Variants in CBFB observed in about 807,000 individuals in gnomAD.
CBFB encodes the protein CBF-beta.
Under a neutral mutation model 30.4 loss-of-function variants are expected in CBFB, and 9 were observed. That is an observed-to-expected ratio of 0.30 (90% CI 0.18 to 0.52). CBFB has a LOEUF of 0.52. CBFB is among the 20% of genes least tolerant of loss of function. The pLI, the probability that CBFB is intolerant of heterozygous loss-of-function variation, is 0.97. For synonymous variants in CBFB, 94 were observed against 84.0 expected, an observed-to-expected ratio of 1.12 and a Z score of -0.65; for missense variants, 170 against 244.0, an observed-to-expected ratio of 0.70 and a Z score of 2.02.
At chr16:67,067,206 A>G (rs1961084030) in intron 4 of CBFB, among the ~76,000 whole-genome samples, 1 of 151,258 alleles carries the variant, frequency 6.6e-6, no homozygotes, top group Admixed American at 6.6e-5. Context: ...CTTGACAAAA[A>G]TTGTTTAAAA....
chr16:67,078,215 ACT>A (rs1358336367), intron 4 of CBFB, among the ~76,000 whole-genome samples: 2 of 152,128 alleles, frequency 1.3e-5, no homozygotes, highest in Admixed American at 6.5e-5. Context: ...TAAAGTGTGA[ACT>A]CTGTTCACTG....
chr16:67,092,600 ATTTTATTTTTCTCCCTTCC>A (rs1418274471), intron 5 of CBFB, among the ~76,000 whole-genome samples: 1 of 149,024 alleles, frequency 6.7e-6, no homozygotes, highest in Non-Finnish European at 1.5e-5. Context: ...TGTATTCAGA[ATTTTATTTTTCTCCCTTCC>A]TTCCCCCTGA....
In CBFB at chr16:67,072,851, G is replaced by A. The variant is rs542795568; in HGVS notation, c.399+6053G>A. Among the ~76,000 whole-genome samples the A allele has an allele frequency of 8.6e-5, 13 of 151,480 alleles. No individual in the cohort carries two copies. In the East Asian group the frequency reaches 2.5e-3, roughly 30 times the overall value. ...AGTGGTACAATGACAGCTCACTACA[G>A]CCTCAAGCTCCTGCCGTGCTTGGCT... On this transcript the variant is annotated intron_variant, in intron 4 of 5. Transcript: ENST00000412916.
chr16:67,076,194 C>CA (rs1961391304), intron 4 of CBFB, among the ~76,000 whole-genome samples: 1 of 142,514 alleles, frequency 7.0e-6, no homozygotes, highest in South Asian at 2.2e-4. Flanking sequence ...CGCGCCACTG[C>CA]ACTCCAGCCT....
At chr16:67,068,150 A>G (rs748187932) in intron 4 of CBFB, among the ~76,000 whole-genome samples, 4 of 152,196 alleles carry the variant, frequency 2.6e-5, no homozygotes, top group African/African-American at 9.7e-5. Flanking sequence ...CGGCTGAACT[A>G]TGCTGATCCA....
intron 5 of CBFB, among the ~76,000 whole-genome samples, chr16:67,084,761 A>G (rs1163334598): frequency 1.3e-5 from 2 of 152,098 alleles, no homozygotes; most frequent in South Asian, 2.1e-4. Context: ...GTGTGTGTGC[A>G]TACGTGTGTG....
intron 3 of CBFB, among the ~76,000 whole-genome samples, chr16:67,057,143 C>T (rs775328520): frequency 1.3e-4 from 20 of 151,726 alleles, no homozygotes; most frequent in Non-Finnish European, 1.8e-4. Context: ...CCACCATGCC[C>T]GGCTAATTTT....
At chr16:67,030,300 G>A (rs1484839678) in intron 2 of CBFB, 2 of 104,590 alleles carry the variant, frequency 1.9e-5, no homozygotes, top group African/African-American at 1.8e-4. Context: ...AGAGAGGGGA[G>A]GGGGGGGAAA....
intron 2 of CBFB, among the ~76,000 whole-genome samples, chr16:67,033,819 G>GTTTTT (rs573801388): frequency 5.5e-5 from 5 of 91,704 alleles, no homozygotes; most frequent in Non-Finnish European, 8.6e-5. Flanking sequence ...TTTCACCGTT[G>GTTTTT]TTTTTTTTTT....
At chr16:67,034,772 C>A (rs550875059) in intron 2 of CBFB, among the ~76,000 whole-genome samples, 1 of 152,178 alleles carries the variant, frequency 6.6e-6, no homozygotes, top group South Asian at 2.1e-4. Context: ...GATTTTGACA[C>A]GGGGCAGTCG....
At chr16:67,038,169 A>G (rs961900646) in intron 3 of CBFB, among the ~76,000 whole-genome samples, 3 of 152,020 alleles carry the variant, frequency 2.0e-5, no homozygotes, top group Admixed American at 6.6e-5. Context: ...GTTTCTATCA[A>G]CTTACTAAAT....
intron 3 of CBFB, among the ~76,000 whole-genome samples, chr16:67,039,706 T>C (rs1351676546): frequency 3.3e-5 from 5 of 152,194 alleles, no homozygotes; most frequent in Non-Finnish European, 7.3e-5. Context: ...TTATTAATAC[T>C]GGTTTTAGAA....
At chr16:67,066,530 A>G in intron 3 of CBFB, 152 bp from the exon 4 acceptor site, 1 of 464,492 alleles carries the variant, frequency 2.2e-6, no homozygotes, top group Non-Finnish European at 4.0e-6. Context: ...ACTGCATTCC[A>G]GCCTGGGGAG....
intron 5 of CBFB, among the ~76,000 whole-genome samples, chr16:67,097,845 T>C (rs888991186): frequency 6.6e-6 from 1 of 152,120 alleles, no homozygotes; most frequent in Non-Finnish European, 1.5e-5. Context: ...GGAGGATTGG[T>C]TTAGTCCAGG....
intron 5 of CBFB, among the ~76,000 whole-genome samples, chr16:67,095,817 C>T (rs999000960): frequency 3.3e-5 from 5 of 151,788 alleles, no homozygotes; most frequent in East Asian, 2.0e-4. Flanking sequence ...CTCAGACTCC[C>T]GAGTATCTGG....
chr16:67,049,421 C>T (rs1414561796), intron 3 of CBFB, among the ~76,000 whole-genome samples: 4 of 150,448 alleles, frequency 2.7e-5, no homozygotes, highest in Non-Finnish European at 3.0e-5. Context: ...AGGCTGGTCT[C>T]GAACTCCTGA....
chr16:67,063,315 T>A (rs1333287562), intron 3 of CBFB, among the ~76,000 whole-genome samples: 4 of 152,324 alleles, frequency 2.6e-5, no homozygotes, highest in Admixed American at 2.6e-4. Context: ...CCTTTTGTAT[T>A]TTGGTTATTT....
intron 3 of CBFB, among the ~76,000 whole-genome samples, chr16:67,050,980 GAGA>G (rs1485600439): frequency 6.6e-6 from 1 of 152,184 alleles, no homozygotes; most frequent in Non-Finnish European, 1.5e-5. Context: ...CCTCTCTGGA[GAGA>G]AGGAGTGCAA....
At chr16:67,034,758 C>T (rs1441476079) in intron 2 of CBFB, among the ~76,000 whole-genome samples, 1 of 152,178 alleles carries the variant, frequency 6.6e-6, no homozygotes, top group Non-Finnish European at 1.5e-5. Context: ...AAACAAGCCA[C>T]AGGGATTTTG....
Sources: allele counts gnomAD v4.1 joint callset (sites outside exome capture counted in the v4.1 genomes callset), GRCh38; gene constraint gnomAD v4.1.1; transcripts MANE v1.5; gene names NCBI Gene and HGNC (gene_info 2026-07-23, HGNC 2026-07-21).